The following CREB3L2 variants were observed in gnomAD, a reference collection of about 807,000 sequenced individuals.
The protein encoded by CREB3L2 is cyclic AMP-responsive element-binding protein 3-like protein 2.
A neutral mutation model predicts 57.2 loss-of-function variants in CREB3L2; 23 were observed. That is an observed-to-expected ratio of 0.40 (90% CI 0.29 to 0.57). CREB3L2 has a LOEUF of 0.57. CREB3L2 is among the 20% of genes least tolerant of loss of function. CREB3L2 has a pLI of 0.42. For synonymous variants in CREB3L2, 268 were observed against 265.1 expected, an observed-to-expected ratio of 1.01 and a Z score of -0.11; for missense variants, 628 against 634.7, an observed-to-expected ratio of 0.99 and a Z score of 0.11.
intron 8 of CREB3L2, among the ~76,000 whole-genome samples, chr7:137,899,852 C>A (rs11977277): frequency 0.098 from 14,956 of 152,178 alleles, 2,345 homozygotes; most frequent in African/African-American, 0.33. Flanking sequence ...AACCATGAAG[C>A]ATCAGGAAAC....
chr7:137,905,604 G>A, intron 6 of CREB3L2, 98 bp downstream of exon 6: 1 of 1,321,884 alleles, frequency 7.6e-7, no homozygotes, highest in South Asian at 1.2e-5. Flanking sequence ...CTCCACCATG[G>A]GATGGGGTAG....
Position 137,880,378 on chromosome 7 carries a change from A to G in CREB3L2, c.*98T>C. ...GCCACTAATGCTTGCCCATGTCTCCATGAAGATCCAGTGGCAAAGAGGAAA... is the reference window on the plus strand; with the variant it reads ...GCCACTAATGCTTGCCCATGTCTCCGTGAAGATCCAGTGGCAAAGAGGAAA... On this transcript the variant is annotated 3_prime_UTR_variant, in exon 12 of 12. Transcript: ENST00000330387. The surrounding 1 kb of genome is among the most constrained non-coding windows in gnomAD (Gnocchi z 4.0). 2.0e-6 allele frequency: 2 copies of G among 979,280 alleles called. No individual in the cohort carries two copies. The highest frequency in any genetic ancestry group is 3.2e-6 in the Non-Finnish European group (2 of 625,462). 60.7% of individuals were successfully genotyped at this position (979,280 alleles called of 1,614,324 possible). A position where few individuals can be genotyped will look rare whatever the true frequency, so the allele number is the denominator to read the frequency against.
chr7:137,885,018 T>C lies in CREB3L2; in HGVS notation c.1247A>G (p.Gln416Arg), dbSNP rs1260806040. The C allele has an allele frequency of 6.8e-6, 11 of 1,614,042 alleles. No homozygotes were observed. The highest frequency in any genetic ancestry group is 9.3e-6 in the Non-Finnish European group (11 of 1,180,032). The change falls in exon 10 of 12, where the codon CAG becomes CGG. Residue 416 changes from glutamine to arginine, a missense_variant. This residue lies in a region of CREB3L2 where 272 missense variants were observed against 242.7 expected (regional missense o/e 1.12). Coordinates refer to ENST00000330387, the MANE Select transcript of CREB3L2 (RefSeq NM_194071.4). ...ACCCACGGAGGCTGTGTAGGGCTCCTGCAGGGAATGCTGGCTGGGCAGAGC... is the reference window on the plus strand; with the variant it reads ...ACCCACGGAGGCTGTGTAGGGCTCCCGCAGGGAATGCTGGCTGGGCAGAGC... ...KMALPSQHSL[Q>R]EPYTASVVRS...
At chr7:137,927,787 GAA>G (rs61623523) in intron 2 of CREB3L2, among the ~76,000 whole-genome samples, 8,604 of 141,538 alleles carry the variant, frequency 0.061, 466 homozygotes, top group African/African-American at 0.15. Context: ...TTCTTTCTCA[GAA>G]AAAAAAAAAA....
intron 4 of CREB3L2, among the ~76,000 whole-genome samples, chr7:137,908,934 C>A (rs1189008340): frequency 1.3e-5 from 2 of 152,130 alleles, no homozygotes; most frequent in African/African-American, 4.8e-5. Flanking sequence ...CGAGATCATG[C>A]TAAAATACAA....
At chr7:137,918,094 T>A (rs965283328) in intron 2 of CREB3L2, among the ~76,000 whole-genome samples, 1 of 152,146 alleles carries the variant, frequency 6.6e-6, no homozygotes, top group Admixed American at 6.5e-5. Context: ...CAATGTCCGC[T>A]GCAAAGAACA....
chr7:137,988,383 T>C (rs1378821682), intron 1 of CREB3L2, among the ~76,000 whole-genome samples: 2 of 152,272 alleles, frequency 1.3e-5, no homozygotes, highest in Non-Finnish European at 2.9e-5. Flanking sequence ...ATTTACTTAA[T>C]GTTCCTTCTG....
At chr7:137,938,374 C>T (rs34878104) in intron 1 of CREB3L2, among the ~76,000 whole-genome samples, 13,851 of 152,124 alleles carry the variant, frequency 0.091, 927 homozygotes, top group Admixed American at 0.22. Flanking sequence ...GAGACAGAGT[C>T]TCACTCTGTC....
chr7:137,902,863 C>CTATA (rs986987138), intron 7 of CREB3L2, among the ~76,000 whole-genome samples: 2 of 152,066 alleles, frequency 1.3e-5, no homozygotes, highest in Non-Finnish European at 2.9e-5. Flanking sequence ...ATCATCAAGG[C>CTATA]TATAGTGCAG....
At chr7:137,957,599 C>A (rs1801241926) in intron 1 of CREB3L2, 1 of 386,624 alleles carries the variant, frequency 2.6e-6, no homozygotes, top group Non-Finnish European at 4.8e-6. Context: ...CTAGGCCCAG[C>A]CCCTCAACTA....
In CREB3L2 at chr7:137,880,587, C is replaced by T; in HGVS notation, c.1488-36G>A. 2 of 1,517,656 alleles carry T rather than the reference C, an allele frequency of 1.3e-6. No homozygotes were observed. Among genetic ancestry groups the T allele is most frequent in the Non-Finnish European group, 1.8e-6 (2 of 1,093,226 alleles). 94.0% of individuals were successfully genotyped at this position (1,517,656 alleles called of 1,614,324 possible). ...ATTAAAAGGAAAACGAAGTATTAGT[C>T]ACCAGCTGTTAGCTACAATTCTCAT... On this transcript the variant is annotated intron_variant, in intron 11 of 11. Coordinates refer to ENST00000330387, the MANE Select transcript of CREB3L2 (RefSeq NM_194071.4). The surrounding 1 kb of genome is among the most constrained non-coding windows in gnomAD (Gnocchi z 4.0).
Position 137,880,020 on chromosome 7 carries a change from G to T in CREB3L2, c.*456C>A, listed in dbSNP as rs17169441. 14,376 of 251,228 alleles carry T rather than the reference G, an allele frequency of 0.057. 1,324 individuals are homozygous for T. The highest frequency in any genetic ancestry group is 0.23 in the African/African-American group (10,362 of 45,626). 15.6% of individuals were successfully genotyped at this position (251,228 alleles called of 1,614,324 possible). A position where few individuals can be genotyped will look rare whatever the true frequency, so the allele number is the denominator to read the frequency against. On this transcript the variant is annotated 3_prime_UTR_variant, in exon 12 of 12. Coordinates refer to ENST00000330387, the MANE Select transcript of CREB3L2 (RefSeq NM_194071.4). The surrounding 1 kb of genome is among the most constrained non-coding windows in gnomAD (Gnocchi z 4.0). ...GGGTGTTCACACCAGAGACCCCAGT[G>T]CGAGCAACGGAGGACACGGGTCAGT...
chr7:137,941,935 T>A lies in CREB3L2; in HGVS notation c.103-13569A>T, dbSNP rs558138292. On this transcript the variant is annotated intron_variant, in intron 1 of 11. Transcript: ENST00000330387. ...AATGATGAAGGTCATAAAACATCAT[T>A]TTTCTTTAGTGAACTCGGTCGATTC... 4.3e-3 allele frequency among the ~76,000 whole-genome samples: 656 copies of A among 152,338 alleles called. 5 individuals are homozygous for A. The highest frequency in any genetic ancestry group is 0.015 in the African/African-American group (608 of 41,574).
Position 137,995,333 on chromosome 7 carries a change from C to CTTTTTTTTTTTTT in CREB3L2, c.102+6258_102+6270dup, listed in dbSNP as rs10676214. On this transcript the variant is annotated intron_variant, in intron 1 of 11. Coordinates refer to ENST00000330387, the MANE Select transcript of CREB3L2 (RefSeq NM_194071.4). ...CTATTTCTTTTTTTTTCTTTTCTTT[C>CTTTTTTTTTTTTT]TTTTTTTTTTTTTTTTTTTGAGACA... Among the ~76,000 whole-genome samples the CTTTTTTTTTTTTT allele has an allele frequency of 5.8e-4, 51 of 87,436 alleles. 6 individuals are homozygous for CTTTTTTTTTTTTT. Among genetic ancestry groups the CTTTTTTTTTTTTT allele is most frequent in the East Asian group, 7.5e-4 (2 of 2,668 alleles). The allele number at this position is 87,436 out of a possible 152,430, so 57.4% of individuals were successfully genotyped here.
rs796576267 is a variant in CREB3L2 at position 137,894,444 on chromosome 7, C to T, written c.1043+6910G>A. Among the ~76,000 whole-genome samples, 21 of 152,300 alleles carry T rather than the reference C, an allele frequency of 1.4e-4. 1 individual carries two copies. The highest frequency in any genetic ancestry group is 7.2e-4 in the Admixed American group (11 of 15,302). ...AGACCTGACATATTGTGAAGGATGT[C>T]GTGCACACACCAGGCCTGGTTCAAA... On this transcript the variant is annotated intron_variant, in intron 8 of 11. Transcript: ENST00000330387.
chr7:137,916,747 G>A (rs1800143049), intron 2 of CREB3L2, among the ~76,000 whole-genome samples: 1 of 151,802 alleles, frequency 6.6e-6, no homozygotes, highest in East Asian at 1.9e-4. Flanking sequence ...GGGAAGGGAG[G>A]GGGAGGGGGA....
At chr7:137,998,415 T>C (rs1802025392) in intron 1 of CREB3L2, among the ~76,000 whole-genome samples, 1 of 152,224 alleles carries the variant, frequency 6.6e-6, no homozygotes, top group African/African-American at 2.4e-5. Context: ...TCAGCCTCAT[T>C]TAAACATTAG....
At chr7:137,977,186 T>C (rs771211790) in intron 1 of CREB3L2, among the ~76,000 whole-genome samples, 5 of 152,178 alleles carry the variant, frequency 3.3e-5, no homozygotes, top group Non-Finnish European at 7.3e-5. Context: ...GAAGTCTGCA[T>C]GGAAATGGGG....
chr7:137,984,829 C>G (rs530100365), intron 1 of CREB3L2, among the ~76,000 whole-genome samples: 1 of 152,148 alleles, frequency 6.6e-6, no homozygotes, highest in Non-Finnish European at 1.5e-5. Context: ...AAGGAGTCTG[C>G]GTTTCATGAA....
Sources: allele counts gnomAD v4.1 joint callset (sites outside exome capture counted in the v4.1 genomes callset), GRCh38; gene constraint gnomAD v4.1.1; regional missense constraint gnomAD v4.1.1; non-coding constraint Gnocchi (gnomAD v3.1); transcripts MANE v1.5; gene names NCBI Gene and HGNC (gene_info 2026-07-23, HGNC 2026-07-21).